Variants in ACSS2 observed in about 807,000 individuals in gnomAD.
The protein encoded by ACSS2 is acyl-CoA synthetase short chain family member 2.
In ACSS2, 58 loss-of-function variants were observed where a neutral mutation model predicts 90.6. The observed-to-expected ratio is 0.64, with a 90% CI of 0.52 to 0.80. ACSS2 has a LOEUF of 0.80. ACSS2 is among the 30% of genes least tolerant of loss of function. The pLI, the probability that ACSS2 is intolerant of heterozygous loss-of-function variation, is 0.00. For missense variants in ACSS2, 759 were observed against 912.0 expected, an observed-to-expected ratio of 0.83 and a Z score of 2.16; for synonymous variants, 300 against 330.9, an observed-to-expected ratio of 0.91 and a Z score of 1.01.
chr20:34,913,045 T>C (rs1423441681), intron 2 of ACSS2, 51 bp from the exon 3 acceptor site: 3 of 1,408,880 alleles, frequency 2.1e-6, no homozygotes, highest in Non-Finnish European at 3.0e-6. Flanking sequence ...TGTTTCTTGT[T>C]TGGGGAAGAA....
Position 34,914,077 on chromosome 20 carries a change from T to C in ACSS2, c.644-19T>C. ...GCATGGGGCTTACTAAGGCCTGGAA[T>C]GTCTGTTGCTCCCCAAAGATGCCTT... On this transcript the variant is annotated intron_variant, in intron 5 of 17. Transcript: ENST00000360596. 6.2e-7 allele frequency: 1 copy of C among 1,613,906 alleles called. No individual in the cohort carries two copies. The highest frequency in any genetic ancestry group is 8.5e-7 in the Non-Finnish European group (1 of 1,179,834).
intron 9 of ACSS2, 36 bp downstream of exon 9, chr20:34,920,745 G>A (rs368960391): frequency 6.3e-7 from 1 of 1,587,262 alleles, no homozygotes. Flanking sequence ...CTGGGGGATG[G>A]ACAAGATTAT....
chr20:34,926,707 G>C (rs2081326540), intron 16 of ACSS2, among the ~76,000 whole-genome samples, 170 bp from the exon 17 acceptor site: 1 of 152,080 alleles, frequency 6.6e-6, no homozygotes, highest in Admixed American at 6.5e-5. Context: ...TAAAATGAGA[G>C]AGTAAAGAGA....
At chr20:34,896,643 A>T (rs1231205631) in intron 2 of ACSS2, among the ~76,000 whole-genome samples, 1 of 152,246 alleles carries the variant, frequency 6.6e-6, no homozygotes, top group Non-Finnish European at 1.5e-5. Flanking sequence ...GAAAACATAT[A>T]AAAAGATATC....
At chr20:34,898,049 G>A (rs972505892) in intron 2 of ACSS2, among the ~76,000 whole-genome samples, 6 of 152,186 alleles carry the variant, frequency 3.9e-5, no homozygotes, top group East Asian at 1.9e-4. Context: ...GGATGTGTTC[G>A]GAGTTTCTTC....
intron 1 of ACSS2, 43 bp from the exon 2 acceptor site, chr20:34,882,751 T>C (rs2080096891): frequency 6.3e-7 from 1 of 1,581,698 alleles, no homozygotes; most frequent in Admixed American, 1.7e-5. Context: ...GCTAAATATG[T>C]CTCAGAAGAT....
At chr20:34,891,516 G>A (rs2080335525) in intron 2 of ACSS2, among the ~76,000 whole-genome samples, 1 of 152,162 alleles carries the variant, frequency 6.6e-6, no homozygotes, top group Non-Finnish European at 1.5e-5. Context: ...CTATAATGAT[G>A]TTGACACCAT....
At chr20:34,920,517 C>T (rs1210118179) in intron 8 of ACSS2, 22 bp from the exon 9 acceptor site, 3 of 1,611,402 alleles carry the variant, frequency 1.9e-6, no homozygotes, top group Non-Finnish European at 2.5e-6. Flanking sequence ...AGACCCTAAC[C>T]TGTTCCCCAT....
At chr20:34,906,079 T>C (rs1335402922) in intron 2 of ACSS2, among the ~76,000 whole-genome samples, 6 of 152,320 alleles carry the variant, frequency 3.9e-5, no homozygotes, top group Non-Finnish European at 8.8e-5. Flanking sequence ...CTCACACCTG[T>C]AATCCCAGCA....
At chr20:34,877,928 A>ATAGATAGATAGG (rs2079967376) in intron 1 of ACSS2, among the ~76,000 whole-genome samples, 1 of 150,650 alleles carries the variant, frequency 6.6e-6, no homozygotes, top group Non-Finnish European at 1.5e-5. Context: ...AGATAGATAG[A>ATAGATAGATAGG]TAGATAGATA....
rs376950557 is a variant in ACSS2, at chr20:34,921,084, A to G, written c.1222A>G (p.Thr408Ala). 6.2e-7 allele frequency: 1 copy of G among 1,614,078 alleles called. No individual in the cohort carries two copies. Among genetic ancestry groups the G allele is most frequent in the Non-Finnish European group, 8.5e-7 (1 of 1,180,034 alleles). ...VDKYKVTKFY[T>A]APTAIRLLMK... ...CAAATACAAGGTGACCAAGTTCTAC[A>G]CAGCACCCACAGCCATCCGTCTGCT... The change falls in exon 10 of 18, where the codon ACA (threonine) becomes GCA (alanine). Residue 408 changes from threonine to alanine, a missense_variant. By Grantham distance (58) the Thr-to-Ala change is moderately conservative. Coordinates refer to ENST00000360596, the MANE Select transcript of ACSS2 (RefSeq NM_018677.4).
At chr20:34,898,065 G>A (rs181978083) in intron 2 of ACSS2, among the ~76,000 whole-genome samples, 4 of 152,244 alleles carry the variant, frequency 2.6e-5, no homozygotes, top group African/African-American at 9.6e-5. Flanking sequence ...TCTTCCTTCT[G>A]GTGGGTTTGT....
intron 2 of ACSS2, among the ~76,000 whole-genome samples, chr20:34,898,549 A>C (rs2080527907): frequency 6.7e-6 from 1 of 149,958 alleles, no homozygotes; most frequent in African/African-American, 2.5e-5. Context: ...CGATTGGTGT[A>C]TTTACAATCC....
chr20:34,877,820 A>G (rs1176789759), intron 1 of ACSS2, among the ~76,000 whole-genome samples: 2 of 3,638 alleles, frequency 5.5e-4, no homozygotes, highest in Non-Finnish European at 9.4e-4. Context: ...CTTTGTCTCA[A>G]AAAAAAAAAA....
chr20:34,900,824 A>G (rs2147032928), intron 2 of ACSS2, among the ~76,000 whole-genome samples: 1 of 152,326 alleles, frequency 6.6e-6, no homozygotes, highest in East Asian at 1.9e-4. Flanking sequence ...CATCCTTGGT[A>G]GTTGTCAACC....
chr20:34,905,481 C>T (rs933568660), intron 2 of ACSS2, among the ~76,000 whole-genome samples: 2 of 151,826 alleles, frequency 1.3e-5, no homozygotes, highest in East Asian at 2.0e-4. Context: ...ACCGTCCTCT[C>T]GATCTCCTGA....
intron 2 of ACSS2, among the ~76,000 whole-genome samples, chr20:34,901,088 T>C (rs533147752): frequency 6.6e-6 from 1 of 152,318 alleles, no homozygotes; most frequent in South Asian, 2.1e-4. Flanking sequence ...GATAGCTATA[T>C]GTGGCTAGTG....
chr20:34,925,205 G>T (rs974898259), intron 14 of ACSS2, among the ~76,000 whole-genome samples: 2 of 152,084 alleles, frequency 1.3e-5, no homozygotes, highest in African/African-American at 4.8e-5. Context: ...TTCTCATTCT[G>T]GGTCTCTTGT....
rs756281708 is a variant in ACSS2, at chr20:34,927,223, C to T, written c.*9C>T. On this transcript the variant is annotated 3_prime_UTR_variant, in exon 18 of 18. Transcript: ENST00000360596. This position sits in a 1 kb window ranked among gnomAD's most constrained non-coding sequence, Gnocchi z 4.2. ...GCCTGACCATCCAGTGAACATGATC[C>T]TGACCTTTACCTAGGATTCCTCCTG... 6 of 1,612,876 alleles carry T rather than the reference C, an allele frequency of 3.7e-6. No homozygotes were observed. The highest frequency in any genetic ancestry group is 5.1e-6 in the Non-Finnish European group (6 of 1,180,016).
Sources: gnomAD v4.1 joint callset for allele counts (sites outside exome capture counted in the v4.1 genomes callset) on GRCh38, gnomAD v4.1.1 for gene constraint, Gnocchi (gnomAD v3.1) non-coding constraint, MANE v1.5 for transcripts, NCBI Gene and HGNC (gene_info 2026-07-23, HGNC 2026-07-21) for gene names.